EFNA5: variants seen among roughly 807,000 people sequenced by gnomAD.
The protein encoded by EFNA5 is ephrin A5, also known as ephrin-A5.
A neutral mutation model predicts 22.9 loss-of-function variants in EFNA5; 5 were observed. The observed-to-expected ratio is 0.22, with a 90% CI of 0.11 to 0.46. The LOEUF (loss-of-function observed/expected upper bound fraction) is 0.46, where lower values mean the gene tolerates loss of function less well. EFNA5 is among the 20% of genes least tolerant of loss of function. EFNA5 has a pLI of 0.99. For missense variants in EFNA5, 237 were observed against 293.3 expected, an observed-to-expected ratio of 0.81 and a Z score of 1.40; for synonymous variants, 113 against 112.2, an observed-to-expected ratio of 1.01 and a Z score of -0.04.
At chr5:107,475,539 C>A (rs1399556663) in intron 1 of EFNA5, among the ~76,000 whole-genome samples, 2 of 152,160 alleles carry the variant, frequency 1.3e-5, no homozygotes, top group African/African-American at 4.8e-5. Flanking sequence ...AGAAAAATGT[C>A]AAGAGATTCT....
chr5:107,599,248 G>C (rs1032829942), intron 1 of EFNA5, among the ~76,000 whole-genome samples: 4 of 152,116 alleles, frequency 2.6e-5, no homozygotes, highest in Non-Finnish European at 1.5e-5. Flanking sequence ...ACAAACTATA[G>C]CACATCTATA....
At chr5:107,405,236 G>A (rs1194276561) in intron 2 of EFNA5, among the ~76,000 whole-genome samples, 1 of 152,196 alleles carries the variant, frequency 6.6e-6, no homozygotes, top group African/African-American at 2.4e-5. Flanking sequence ...CTCCTGTGAT[G>A]CCTCAGCCCT....
chr5:107,383,952 C>A (rs1268995677), intron 4 of EFNA5, among the ~76,000 whole-genome samples: 1 of 152,196 alleles, frequency 6.6e-6, no homozygotes, highest in African/African-American at 2.4e-5. Flanking sequence ...TCCTGCCCCC[C>A]AAAAGGAAAT....
intron 1 of EFNA5, among the ~76,000 whole-genome samples, chr5:107,500,494 C>T (rs1460472431): frequency 6.6e-6 from 1 of 152,168 alleles, no homozygotes; most frequent in African/African-American, 2.4e-5. Context: ...TCCCAGAGTG[C>T]AGCACTATTT....
At chr5:107,603,409 C>G (rs1749646865) in intron 1 of EFNA5, among the ~76,000 whole-genome samples, 1 of 152,180 alleles carries the variant, frequency 6.6e-6, no homozygotes, top group Admixed American at 6.6e-5. Context: ...CAGGATAAAT[C>G]ACTGTCTCTG....
intron 1 of EFNA5, among the ~76,000 whole-genome samples, chr5:107,444,794 C>A (rs202000550): frequency 2.1e-4 from 32 of 152,182 alleles, no homozygotes; most frequent in Admixed American, 1.8e-3. Context: ...GGACACAGCC[C>A]TAGGAGAATA....
chr5:107,651,312 A>C (rs1039964736), intron 1 of EFNA5, among the ~76,000 whole-genome samples: 1 of 152,180 alleles, frequency 6.6e-6, no homozygotes, highest in African/African-American at 2.4e-5. Context: ...TCTATAAAGG[A>C]CTGTGCTCAG....
intron 1 of EFNA5, among the ~76,000 whole-genome samples, chr5:107,578,404 G>A (rs1748970259): frequency 6.6e-6 from 1 of 152,164 alleles, no homozygotes; most frequent in Non-Finnish European, 1.5e-5. Context: ...CGGGCAAGGA[G>A]TAACTGCCCT....
intron 1 of EFNA5, among the ~76,000 whole-genome samples, chr5:107,483,218 T>C: frequency 6.6e-6 from 1 of 152,302 alleles, no homozygotes; most frequent in African/African-American, 2.4e-5. Context: ...GTTGTTTTTT[T>C]CCCCTGGGGA....
rs1466626300 is a variant in EFNA5 at position 107,473,913 on chromosome 5, C to A, written c.126-46404G>T. On this transcript the variant is annotated intron_variant, in intron 1 of 4. Transcript: ENST00000333274. ...TGACCTCGTGATCCGCCTTTCTCGG[C>A]CTCCCAAAGTGCTGGGATTACAGGC... Among the ~76,000 whole-genome samples the A allele has an allele frequency of 2.0e-5, 3 of 152,140 alleles. No individual in the cohort carries two copies. The East Asian group carries it at 5.8e-4, about 29-fold the overall frequency.
chr5:107,479,564 GGAGCCACTCATTGCCACTGGT>G (rs1432082502), intron 1 of EFNA5, among the ~76,000 whole-genome samples: 1 of 152,116 alleles, frequency 6.6e-6, no homozygotes, highest in Non-Finnish European at 1.5e-5. Flanking sequence ...AGTTTTCTAG[GGAGCCACTCATTGCCACTGGT>G]GTTCATGAAC....
At chr5:107,524,763 A>G (rs1379685083) in intron 1 of EFNA5, among the ~76,000 whole-genome samples, 1 of 152,220 alleles carries the variant, frequency 6.6e-6, no homozygotes, top group Non-Finnish European at 1.5e-5. Flanking sequence ...CCAGAAGTGC[A>G]GAAGGGATGT....
At chr5:107,662,722 A>T (rs10052932) in intron 1 of EFNA5, among the ~76,000 whole-genome samples, 94,457 of 150,054 alleles carry the variant, frequency 0.63, 30,221 homozygotes, top group South Asian at 0.7. Context: ...ACTGCTTCAT[A>T]TTTAGAGGTA....
chr5:107,645,480 A>G (rs923912125), intron 1 of EFNA5, among the ~76,000 whole-genome samples: 1 of 152,252 alleles, frequency 6.6e-6, no homozygotes, highest in Admixed American at 6.5e-5. Flanking sequence ...CTTGGTATGT[A>G]TAAGAGTGTT....
intron 1 of EFNA5, among the ~76,000 whole-genome samples, chr5:107,490,685 T>C (rs117236214): frequency 0.025 from 3,829 of 152,232 alleles, 71 homozygotes; most frequent in South Asian, 0.059. Flanking sequence ...CTTATGCTTG[T>C]CACTGCATAG....
intron 1 of EFNA5, among the ~76,000 whole-genome samples, chr5:107,578,013 T>G (rs1748963407): frequency 2.6e-5 from 4 of 152,266 alleles, no homozygotes; most frequent in African/African-American, 9.6e-5. Flanking sequence ...AAAAGATTTC[T>G]CTCGAATTCT....
intron 1 of EFNA5, among the ~76,000 whole-genome samples, chr5:107,496,357 A>AC (rs1192807260): frequency 5.3e-5 from 8 of 150,166 alleles, no homozygotes; most frequent in South Asian, 2.1e-4. Context: ...AAAAAAACAA[A>AC]AAAACAAAAA....
At position 107,387,415 on chromosome 5, in the gene EFNA5, T is replaced by G. The variant is rs1397663750; in HGVS notation, c.485-100A>C. 5 of 756,996 alleles carry G rather than the reference T, an allele frequency of 6.6e-6. No individual in the cohort carries two copies. The African/African-American group carries it at 7.1e-5, about 11-fold the overall frequency. The allele number at this position is 756,996 out of a possible 1,614,324, so 46.9% of individuals were successfully genotyped here. On this transcript the variant is annotated intron_variant, in intron 3 of 4. Coordinates refer to ENST00000333274, the MANE Select transcript of EFNA5 (RefSeq NM_001962.3). ...TTTCTCTCCTTTTTTTCTTTTTTTATGTAGATTGTCTTACAATCAATGGCA... is the reference window on the plus strand; with the variant it reads ...TTTCTCTCCTTTTTTTCTTTTTTTAGGTAGATTGTCTTACAATCAATGGCA...
At chr5:107,537,616 A>ACAAAAT (rs1747955877) in intron 1 of EFNA5, among the ~76,000 whole-genome samples, 1 of 152,122 alleles carries the variant, frequency 6.6e-6, no homozygotes, top group South Asian at 2.1e-4. Context: ...AAAAACAAAA[A>ACAAAAT]CACTTGTCCA....
Sources: gnomAD v4.1 joint callset for allele counts (sites outside exome capture counted in the v4.1 genomes callset) on GRCh38, gnomAD v4.1.1 for gene constraint, MANE v1.5 for transcripts, NCBI Gene and HGNC (gene_info 2026-07-23, HGNC 2026-07-21) for gene names.